ASTN2: variants seen among roughly 807,000 people sequenced by gnomAD.
ASTN2 encodes astrotactin 2.
A neutral mutation model predicts 139.8 loss-of-function variants in ASTN2; 54 were observed. That is an observed-to-expected ratio of 0.39 (90% CI 0.31 to 0.48). ASTN2 has a LOEUF of 0.48. Ranked by LOEUF, ASTN2 falls within the 20% of genes least tolerant of loss-of-function variation. The probability of loss-of-function intolerance (pLI) is 0.95; values close to 1 mark genes in which losing one functional copy is unlikely to be tolerated. For synonymous variants in ASTN2, 756 were observed against 719.5 expected (o/e 1.05, Z -0.81); for missense variants, 1,565 against 1,725.1 (o/e 0.91, Z 1.64).
At chr9:117,358,696 A>G (rs1156504474) in intron 1 of ASTN2, among the ~76,000 whole-genome samples, 1 of 152,162 alleles carries the variant, frequency 6.6e-6, no homozygotes, top group East Asian at 1.9e-4. Context: ...TAGTCCCAAG[A>G]GCAGAGAAAC....
At chr9:116,487,933 A>T (rs1489416729) in intron 19 of ASTN2, among the ~76,000 whole-genome samples, 1 of 152,204 alleles carries the variant, frequency 6.6e-6, no homozygotes, top group Non-Finnish European at 1.5e-5. Context: ...GAACTGGACT[A>T]AAGATGTAAA....
At chr9:116,913,862 T>C (rs1834377189) in intron 10 of ASTN2, among the ~76,000 whole-genome samples, 1 of 151,638 alleles carries the variant, frequency 6.6e-6, no homozygotes, top group Non-Finnish European at 1.5e-5. Flanking sequence ...TCAGTCCTCA[T>C]GGAAATTATG....
chr9:116,470,508 C>G (rs977125932), intron 20 of ASTN2, among the ~76,000 whole-genome samples: 1 of 152,066 alleles, frequency 6.6e-6, no homozygotes, highest in South Asian at 2.1e-4. Context: ...GTTTTCTCAT[C>G]TGCAAAATAG....
Position 116,595,796 on chromosome 9 carries a change from C to T in ASTN2, c.3355+22528G>A, listed in dbSNP as rs563389937. Among the ~76,000 whole-genome samples the T allele has an allele frequency of 7.2e-5, 11 of 152,196 alleles. No individual in the cohort carries two copies. In the East Asian group the frequency reaches 1.2e-3, roughly 16 times the overall value. Reference sequence around the variant, plus strand: ...CTAAGGCATGATTACACTTAGCTTACGCTCAAGAGCAAGAGAACTCTTATC... The same window carrying T: ...CTAAGGCATGATTACACTTAGCTTATGCTCAAGAGCAAGAGAACTCTTATC... On this transcript the variant is annotated intron_variant, in intron 19 of 22. Transcript: ENST00000313400.
intron 20 of ASTN2, among the ~76,000 whole-genome samples, chr9:116,463,975 T>G (rs112826325): frequency 0.017 from 2,523 of 146,464 alleles, 66 homozygotes; most frequent in African/African-American, 0.059. Flanking sequence ...CTTGAACTCC[T>G]AGTCTCAAGT....
chr9:116,448,945 T>C (rs981684150), intron 20 of ASTN2, among the ~76,000 whole-genome samples: 4 of 152,188 alleles, frequency 2.6e-5, no homozygotes, highest in Admixed American at 6.5e-5. Context: ...ACTCAAGTAG[T>C]AGAAAGAGTG....
intron 2 of ASTN2, among the ~76,000 whole-genome samples, chr9:117,289,026 C>T (rs1358138049): frequency 1.3e-5 from 2 of 152,190 alleles, no homozygotes; most frequent in African/African-American, 2.4e-5. Context: ...AGTTCAGTGT[C>T]AGAGAGAGAC....
At chr9:117,413,870 T>A (rs1418307773) in intron 1 of ASTN2, among the ~76,000 whole-genome samples, 3 of 152,050 alleles carry the variant, frequency 2.0e-5, no homozygotes, top group African/African-American at 4.8e-5. Flanking sequence ...GGAATCCCAG[T>A]TCTCAGCAAC....
chr9:116,641,650 A>T (rs1356310874), intron 17 of ASTN2, among the ~76,000 whole-genome samples: 2 of 152,148 alleles, frequency 1.3e-5, no homozygotes, highest in African/African-American at 4.8e-5. Flanking sequence ...ATGGAAAAAA[A>T]ATATTCTCTG....
chr9:116,958,669 T>C (rs1042725979), intron 10 of ASTN2, among the ~76,000 whole-genome samples: 2 of 151,788 alleles, frequency 1.3e-5, no homozygotes, highest in African/African-American at 2.4e-5. Flanking sequence ...AAAGGATGAG[T>C]AGGAATAGCC....
intron 10 of ASTN2, among the ~76,000 whole-genome samples, chr9:116,868,592 G>A (rs1407248213): frequency 1.3e-5 from 2 of 152,186 alleles, no homozygotes; most frequent in African/African-American, 2.4e-5. Flanking sequence ...GGAATAGAAG[G>A]GGAAAGCATA....
At chr9:116,485,006 T>C (rs1041046682) in intron 20 of ASTN2, among the ~76,000 whole-genome samples, 2 of 152,192 alleles carry the variant, frequency 1.3e-5, no homozygotes, top group African/African-American at 4.8e-5. Flanking sequence ...ACTCCTTCTG[T>C]ATTAGTGAAT....
chr9:117,253,206 T>C (rs1474606706), intron 2 of ASTN2, among the ~76,000 whole-genome samples: 1 of 152,194 alleles, frequency 6.6e-6, no homozygotes, highest in African/African-American at 2.4e-5. Context: ...ATAAGGCTTT[T>C]CTTCCTCTCC....
chr9:116,739,380 A>G (rs1468025070), intron 13 of ASTN2, among the ~76,000 whole-genome samples: 1 of 152,094 alleles, frequency 6.6e-6, no homozygotes, highest in Non-Finnish European at 1.5e-5. Context: ...CCCCTGGGCC[A>G]CTGTTTTCCT....
At position 117,239,466 on chromosome 9, in the gene ASTN2, A is replaced by C. The variant is rs376063555; in HGVS notation, c.631-24724T>G. Among the ~76,000 whole-genome samples, 13 of 152,324 alleles carry C rather than the reference A, an allele frequency of 8.5e-5. No homozygotes were observed. In the East Asian group the frequency reaches 9.6e-4, roughly 11 times the overall value. On this transcript the variant is annotated intron_variant, in intron 2 of 22. Transcript: ENST00000313400. ...GGCAGATGTTGGCAACATCTGGGCC[A>C]CTGTTGTCGGGGCAGCAAGTGGCTT...
intron 19 of ASTN2, among the ~76,000 whole-genome samples, chr9:116,523,477 G>A (rs770148701): frequency 3.3e-5 from 5 of 152,084 alleles, no homozygotes; most frequent in African/African-American, 7.2e-5. Context: ...AGAGCATGGT[G>A]ATCTTGAATA....
At chr9:116,678,503 G>T (rs959190568) in intron 16 of ASTN2, among the ~76,000 whole-genome samples, 2 of 152,108 alleles carry the variant, frequency 1.3e-5, no homozygotes, top group Admixed American at 6.5e-5. Context: ...TTATAAGAAG[G>T]CATGGAGATA....
intron 19 of ASTN2, among the ~76,000 whole-genome samples, chr9:116,601,174 G>A (rs914074120): frequency 5.3e-5 from 8 of 152,156 alleles, no homozygotes; most frequent in African/African-American, 1.9e-4. Flanking sequence ...TTTAAACTGA[G>A]ACCTCATTGT....
chr9:116,975,181 T>C, intron 10 of ASTN2, 27 bp downstream of exon 10: 3 of 1,581,872 alleles, frequency 1.9e-6, no homozygotes, highest in South Asian at 1.2e-5. Context: ...GAAGTACCTA[T>C]GCAGAGTACT....
Sources: allele counts gnomAD v4.1 joint callset (sites outside exome capture counted in the v4.1 genomes callset), GRCh38; gene constraint gnomAD v4.1.1; transcripts MANE v1.5; gene names NCBI Gene and HGNC (gene_info 2026-07-23, HGNC 2026-07-21).